The following RBM41 variants were observed in gnomAD, a reference collection of about 807,000 sequenced individuals.
RBM41 encodes RNA binding motif protein 41.
Under a neutral mutation model 30.8 loss-of-function variants are expected in RBM41, and 14 were observed. The ratio of observed to expected loss-of-function variants is 0.45; its 90% CI spans 0.30 to 0.71. The LOEUF (loss-of-function observed/expected upper bound fraction) is 0.71, where lower values mean the gene tolerates loss of function less well. RBM41 is among the 30% of genes least tolerant of loss of function. The pLI is 0.08. For missense variants in RBM41, 276 were observed against 326.3 expected (o/e 0.85, Z 1.19); for synonymous variants, 120 against 110.1 (o/e 1.09, Z -0.56).
At chrX:107,102,376 T>C (rs373406494) in intron 5 of RBM41, among the ~76,000 whole-genome samples, 2 of 111,441 alleles carry the variant, frequency 1.8e-5, no homozygotes, top group Non-Finnish European at 3.8e-5. Flanking sequence ...CACTTGATGA[T>C]TGGGAAAATT....
In RBM41 at chrX:107,062,985, C is replaced by A. The variant is rs1200592049; in HGVS notation, c.*4542G>T. Among the ~76,000 whole-genome samples the A allele has an allele frequency of 9.0e-6, 1 of 111,335 alleles. No homozygotes were observed. Among genetic ancestry groups the A allele is most frequent in the Non-Finnish European group, 1.9e-5 (1 of 53,076 alleles). Reference sequence around the variant, plus strand: ...CATAGTATTGTACTAAATAGATGTACCATAAGTTATTTACCCATTTTCCTA... The same window carrying A: ...CATAGTATTGTACTAAATAGATGTAACATAAGTTATTTACCCATTTTCCTA... On this transcript the variant is annotated 3_prime_UTR_variant, in exon 8 of 8. Coordinates refer to ENST00000685964, the MANE Select transcript of RBM41 (RefSeq NM_001324242.2).
chrX:107,115,323 A>G (rs1209577397), intron 4 of RBM41, 29 bp downstream of exon 4: 1 of 1,186,785 alleles, frequency 8.4e-7, no homozygotes, highest in Non-Finnish European at 1.1e-6. Flanking sequence ...CAGTGAAAGA[A>G]TATATCAAAG....
chrX:107,108,724 A>G (rs1924216757), intron 5 of RBM41, among the ~76,000 whole-genome samples: 2 of 111,531 alleles, frequency 1.8e-5, no homozygotes, highest in Admixed American at 1.9e-4. Flanking sequence ...CCATCATCCC[A>G]TCTCCCCTTC....
intron 5 of RBM41, among the ~76,000 whole-genome samples, chrX:107,090,540 G>A (rs764156455): frequency 2.9e-4 from 32 of 111,639 alleles, no homozygotes; most frequent in African/African-American, 8.5e-4. Flanking sequence ...ATCGGCTCCT[G>A]TATTGCTTCT....
Position 107,115,533 on chromosome X carries a change from A to G in RBM41, c.342T>C (p.Pro114=), listed in dbSNP as rs757895603. The change falls in exon 4 of 8, where the codon CCT becomes CCC. Residue 114 remains proline, a synonymous_variant. Transcript: ENST00000685964. ...GEKKTKLRAT[P]EAIQNRLQDI... ...CTTGAAGACGGTTCTGTATTGCTTC[A>G]GGAGTTGCCCTCAGTTTTGTCTTCT... 1.7e-6 allele frequency: 2 copies of G among 1,210,036 alleles called. No individual in the cohort carries two copies. The highest frequency in any genetic ancestry group is 5.9e-5 in the East Asian group (2 of 33,785).
chrX:107,083,149 T>C (rs1208109165), intron 6 of RBM41, among the ~76,000 whole-genome samples: 1 of 101,889 alleles, frequency 9.8e-6, no homozygotes, highest in Non-Finnish European at 2.0e-5. Context: ...AAGTCTTTAT[T>C]ATTTTTCCTT....
chrX:107,094,116 T>A (rs1208553962), intron 5 of RBM41, among the ~76,000 whole-genome samples: 1 of 111,957 alleles, frequency 8.9e-6, no homozygotes, highest in Non-Finnish European at 1.9e-5. Flanking sequence ...AATGGCTTCA[T>A]TGGTAAATTC....
At chrX:107,059,499 GAATTA>G (rs1440042535), downstream of RBM41, among the ~76,000 whole-genome samples, 1 of 111,353 alleles carries the variant, frequency 9.0e-6, no homozygotes, top group South Asian at 3.8e-4. Context: ...CTGGAACTTT[GAATTA>G]AATTAAATTA....
chrX:107,081,998 T>A (rs1476569867), intron 6 of RBM41, among the ~76,000 whole-genome samples: 1 of 111,991 alleles, frequency 8.9e-6, no homozygotes, highest in East Asian at 2.8e-4. Flanking sequence ...CCAATCTGTA[T>A]ACTTTTAATT....
chrX:107,107,254 G>A (rs761556940), intron 5 of RBM41, among the ~76,000 whole-genome samples: 23 of 110,973 alleles, frequency 2.1e-4, no homozygotes, highest in Non-Finnish European at 3.6e-4. Flanking sequence ...ATACACATTA[G>A]CCTTAAGCAG....
intron 5 of RBM41, among the ~76,000 whole-genome samples, chrX:107,112,632 G>A (rs191413976): frequency 1.2e-4 from 13 of 111,441 alleles, no homozygotes; most frequent in East Asian, 2.8e-4. Context: ...GAAACAACCC[G>A]AATGCACTTC....
intron 4 of RBM41, 89 bp from the exon 5 acceptor site, chrX:107,113,557 G>T: frequency 1.1e-6 from 1 of 944,388 alleles, no homozygotes; most frequent in Non-Finnish European, 1.4e-6. Context: ...ACCAGGTACT[G>T]CTTTAAGTGA....
intron 5 of RBM41, among the ~76,000 whole-genome samples, chrX:107,101,165 T>C (rs1438654638): frequency 2.7e-5 from 3 of 111,312 alleles, no homozygotes; most frequent in African/African-American, 6.5e-5. Context: ...TTATATCTAG[T>C]GGGAAGAGGG....
At position 107,062,698 on chromosome X, in the gene RBM41, T is replaced by G. The variant is rs1032082010; in HGVS notation, c.*4829A>C. ...CAAAATCACACCACTTTAAAAATTT[T>G]ACAAAGTGAAAGTCCTCCTTCAGCC... On this transcript the variant is annotated 3_prime_UTR_variant, in exon 8 of 8. Transcript: ENST00000685964. Among the ~76,000 whole-genome samples the G allele has an allele frequency of 1.8e-5, 2 of 111,580 alleles. No homozygotes were observed. The highest frequency in any genetic ancestry group is 3.3e-5 in the African/African-American group (1 of 30,674).
downstream of RBM41, among the ~76,000 whole-genome samples, chrX:107,058,131 T>C (rs182551864): frequency 8.3e-4 from 90 of 108,941 alleles, no homozygotes; most frequent in African/African-American, 2.7e-3. Context: ...CTGTCTCTAC[T>C]AAAAATACAA....
intron 6 of RBM41, among the ~76,000 whole-genome samples, chrX:107,085,293 C>G (rs1921937066): frequency 1.0e-5 from 1 of 99,247 alleles, no homozygotes; most frequent in Non-Finnish European, 2.0e-5. Flanking sequence ...GAGTCTCGCT[C>G]TGTCACCCAG....
the RBM41 span, among the ~76,000 whole-genome samples, chrX:107,054,689 C>T: frequency 1.8e-5 from 2 of 111,879 alleles, no homozygotes; most frequent in Admixed American, 9.5e-5. Context: ...AGGCTGGATA[C>T]GTTCTTCACT....
chrX:107,072,396 A>G (rs1169159896), intron 6 of RBM41, among the ~76,000 whole-genome samples: 3 of 111,716 alleles, frequency 2.7e-5, no homozygotes, highest in African/African-American at 9.7e-5. Flanking sequence ...AATCTCATTT[A>G]CAATAGCTAC....
At chrX:107,103,123 T>C (rs1923604801) in intron 5 of RBM41, among the ~76,000 whole-genome samples, 1 of 110,969 alleles carries the variant, frequency 9.0e-6, no homozygotes, top group African/African-American at 3.3e-5. Flanking sequence ...CTTTTGGGGA[T>C]GTTATGTATT....
Sources: allele counts gnomAD v4.1 joint callset (sites outside exome capture counted in the v4.1 genomes callset), GRCh38; gene constraint gnomAD v4.1.1; transcripts MANE v1.5; gene names NCBI Gene and HGNC (gene_info 2026-07-23, HGNC 2026-07-21).